Variants in UBR4 observed in about 807,000 individuals in gnomAD.
UBR4 encodes the protein E3 ubiquitin-protein ligase UBR4.
Under a neutral mutation model 575.6 loss-of-function variants are expected in UBR4, and 124 were observed. That is an observed-to-expected ratio of 0.22 (90% CI 0.19 to 0.25). The LOEUF (loss-of-function observed/expected upper bound fraction) is 0.25, where lower values mean the gene tolerates loss of function less well. Ranked by LOEUF, UBR4 falls within the 10% of genes least tolerant of loss-of-function variation. UBR4 has a pLI of 1.00. For synonymous variants in UBR4, 2,455 were observed against 2,473.7 expected (o/e 0.99, Z 0.22); for missense variants, 4,818 against 6,478.8 (o/e 0.74, Z 8.80).
In UBR4 at chr1:19,121,364, C is replaced by T. The variant is rs575737737; in HGVS notation, c.9966G>A (p.Leu3322=). 48 of 1,614,158 alleles carry T rather than the reference C, an allele frequency of 3.0e-5. 1 individual carries two copies. The South Asian group carries it at 5.2e-4, about 17-fold the overall frequency. Reference sequence around the variant, plus strand: ...TGCTGCCGCACAGAGCACAGGAGAGCAGTTGCAGCAGCACTGGGGACACGC... The same window carrying T: ...TGCTGCCGCACAGAGCACAGGAGAGTAGTTGCAGCAGCACTGGGGACACGC... ...DEGVSPVLLQ[L]LSCALCGSKV... is the part of the protein sequence containing the mutation. The change falls in exon 68 of 106, where the codon CTG becomes CTA. Residue 3322 remains leucine (L), a synonymous_variant. Transcript: ENST00000375254.
Position 19,096,597 on chromosome 1 carries a change from A to T in UBR4, c.13444T>A (p.Cys4482Ser). ...VYKMAGVMAQCGGLECMLNRL... is the reference protein window; with the variant it reads ...VYKMAGVMAQSGGLECMLNRL... ...TTAAGCATGCATTCCAGGCCCCCAC[A>T]CTGGGCCATCACACCAGCCATTTTA... The change falls in exon 92 of 106, where the codon TGT (cysteine) becomes AGT (serine). Residue 4482 changes from cysteine to serine, a missense_variant. This residue lies in a region of UBR4 where 165 missense variants were observed against 282.3 expected (regional missense o/e 0.58). Coordinates refer to ENST00000375254, the MANE Select transcript of UBR4 (RefSeq NM_020765.3). 5 of 1,613,618 alleles carry T rather than the reference A, an allele frequency of 3.1e-6. No individual in the cohort carries two copies. The highest frequency in any genetic ancestry group is 4.2e-6 in the Non-Finnish European group (5 of 1,179,898).
intron 19 of UBR4, 145 bp downstream of exon 19, chr1:19,177,316 A>T: frequency 1.1e-6 from 1 of 944,162 alleles, no homozygotes; most frequent in Non-Finnish European, 1.6e-6. Flanking sequence ...ACAAAGTCTC[A>T]GTGGTCCTCC....
At chr1:19,146,664 A>C (rs1009661422) in intron 52 of UBR4, among the ~76,000 whole-genome samples, 162 bp downstream of exon 52, 5 of 152,226 alleles carry the variant, frequency 3.3e-5, no homozygotes, top group African/African-American at 4.8e-5. Flanking sequence ...AAAATTGTAC[A>C]ATCTCAATGT....
chr1:19,106,782 C>T, intron 82 of UBR4, 55 bp downstream of exon 82: 1 of 1,602,534 alleles, frequency 6.2e-7, no homozygotes, highest in Non-Finnish European at 8.5e-7. Flanking sequence ...TGACAGAAGG[C>T]AGGGCTGTCA....
intron 77 of UBR4, 106 bp downstream of exon 77, chr1:19,113,593 A>C (rs936500916): frequency 5.9e-6 from 9 of 1,529,224 alleles, no homozygotes; most frequent in Non-Finnish European, 7.9e-6. Flanking sequence ...GGCAGGGACA[A>C]CACCAAGACC....
At position 19,100,012 on chromosome 1, in the gene UBR4, G is replaced by T; in HGVS notation, c.13222-335C>A. ...CGGTCTGCCAGAAAGTAACTGACAC[G>T]GGGACATAAACCTGCACAGGGGGTA... On this transcript the variant is annotated intron_variant, in intron 89 of 105. Coordinates refer to ENST00000375254, the MANE Select transcript of UBR4 (RefSeq NM_020765.3). This position sits in a 1 kb window ranked among gnomAD's most constrained non-coding sequence, Gnocchi z 4.2. 1 of 423,848 alleles carries T rather than the reference G, an allele frequency of 2.4e-6. No homozygotes were observed. 26.3% of individuals were successfully genotyped at this position (423,848 alleles called of 1,614,324 possible).
intron 77 of UBR4, 102 bp from the exon 78 acceptor site, chr1:19,112,969 T>G: frequency 1.7e-6 from 2 of 1,193,384 alleles, no homozygotes; most frequent in African/African-American, 1.5e-5. Flanking sequence ...TTACATGCAT[T>G]ATATAACTTA....
At chr1:19,200,524 T>C (rs1047263493) in intron 2 of UBR4, among the ~76,000 whole-genome samples, 3 of 151,448 alleles carry the variant, frequency 2.0e-5, no homozygotes, top group African/African-American at 7.3e-5. Context: ...CTGAGGCGGG[T>C]GGATCACTTC....
intron 102 of UBR4, among the ~76,000 whole-genome samples, chr1:19,083,655 C>G (rs1323797296): frequency 6.6e-6 from 1 of 152,236 alleles, no homozygotes; most frequent in Non-Finnish European, 1.5e-5. Flanking sequence ...TCACCTCAGT[C>G]TCCCGAATAG....
Position 19,129,048 on chromosome 1 carries a change from A to G in UBR4, c.8933T>C (p.Leu2978Ser). ...NRLHMVRLML[L>S]ERLLQTLPQL... ...AGGCAGGGTCTGCAGTAATCTCTCC[A>G]ACAGCATTAGACGGACCATGTGCAG... Residue 2978 changes from leucine (L) to serine (S), a missense_variant, in exon 61 of 106, where the codon TTG becomes TCG. Physicochemically the swap from Leu to Ser is moderately radical, Grantham distance 145. This residue lies in a region of UBR4 where 87 missense variants were observed against 82.8 expected (regional missense o/e 1.05). Coordinates refer to ENST00000375254, the MANE Select transcript of UBR4 (RefSeq NM_020765.3). 1.2e-6 allele frequency: 2 copies of G among 1,614,108 alleles called. No individual in the cohort carries two copies. The highest frequency in any genetic ancestry group is 1.7e-6 in the Non-Finnish European group (2 of 1,179,984).
In UBR4 at chr1:19,089,859, C is replaced by T. The variant is rs958205369; in HGVS notation, c.14212-882G>A. Among the ~76,000 whole-genome samples, 2 of 152,236 alleles carry T rather than the reference C, an allele frequency of 1.3e-5. No individual in the cohort carries two copies. The highest frequency in any genetic ancestry group is 4.8e-5 in the African/African-American group (2 of 41,458). On this transcript the variant is annotated intron_variant, in intron 97 of 105. Transcript: ENST00000375254. This position sits in a 1 kb window ranked among gnomAD's most constrained non-coding sequence, Gnocchi z 4.3. ...ATTACCTATTCCCTCATGTCTCATG[C>T]TCCTAAATGCTGAGCCCATATTTCA... is the stretch of plus-strand genomic sequence containing the variant.
At chr1:19,143,452 T>C (rs2084379162) in intron 55 of UBR4, among the ~76,000 whole-genome samples, 1 of 152,200 alleles carries the variant, frequency 6.6e-6, no homozygotes, top group African/African-American at 2.4e-5. Flanking sequence ...GTTATGCCCT[T>C]GACTGTATTG....
chr1:19,209,766 C>A (rs1016818972), intron 1 of UBR4, among the ~76,000 whole-genome samples: 1 of 152,226 alleles, frequency 6.6e-6, no homozygotes, highest in Non-Finnish European at 1.5e-5. Context: ...ACCCAAGGGG[C>A]AGCCCCGTGA....
chr1:19,183,961 A>G (rs1267977254), intron 16 of UBR4, 55 bp downstream of exon 16: 4 of 1,613,816 alleles, frequency 2.5e-6, no homozygotes, highest in Non-Finnish European at 3.4e-6. Flanking sequence ...CTCCCTGCCA[A>G]CAGCCAAACT....
chr1:19,163,161 A>T (rs112959417), intron 34 of UBR4, among the ~76,000 whole-genome samples: 2 of 152,210 alleles, frequency 1.3e-5, no homozygotes. Flanking sequence ...TTTGCTCTGC[A>T]CTCTGACATG....
chr1:19,086,861 C>G, intron 99 of UBR4, 40 bp from the exon 100 acceptor site: 3 of 1,608,498 alleles, frequency 1.9e-6, no homozygotes, highest in Non-Finnish European at 2.5e-6. Context: ...AGGAGAAACT[C>G]CAAGTCAGGC....
intron 20 of UBR4, among the ~76,000 whole-genome samples, chr1:19,175,267 C>A (rs2090110850): frequency 1.3e-5 from 2 of 148,988 alleles, no homozygotes; most frequent in Non-Finnish European, 3.0e-5. Context: ...GTTGTGACAA[C>A]CAAAAATATC....
At position 19,161,000 on chromosome 1, in the gene UBR4, C is replaced by T. The variant is rs1168765519; in HGVS notation, c.5323G>A (p.Gly1775Arg). Residue 1775 changes from glycine to arginine, a missense_variant, in exon 38 of 106, where the codon GGA becomes AGA. By Grantham distance (125) the Gly-to-Arg change is moderately radical. Around this residue, in one of 29 missense-constraint regions of UBR4, gnomAD observed 159 missense variants for 174.6 expected, o/e 0.91. Coordinates refer to ENST00000375254, the MANE Select transcript of UBR4 (RefSeq NM_020765.3). ...GGCTTCTCTTCGTCAGCAACCTTTC[C>T]ATCACTGATGGTAACCTTGGCTTTG... ...ADKAKVTISD[G>R]KVADEEKPKK... 2 of 1,614,054 alleles carry T rather than the reference C, an allele frequency of 1.2e-6. No individual in the cohort carries two copies. Among genetic ancestry groups the T allele is most frequent in the African/African-American group, 1.3e-5 (1 of 74,904 alleles).
chr1:19,122,237 C>A (rs2081261473), intron 66 of UBR4, among the ~76,000 whole-genome samples: 1 of 152,168 alleles, frequency 6.6e-6, no homozygotes, highest in African/African-American at 2.4e-5. Flanking sequence ...TCTACCCCAT[C>A]CCCACGCAAG....
Sources: gnomAD v4.1 joint callset for allele counts (sites outside exome capture counted in the v4.1 genomes callset) on GRCh38, gnomAD v4.1.1 for gene constraint, gnomAD v4.1.1 regional missense constraint, Gnocchi (gnomAD v3.1) non-coding constraint, MANE v1.5 for transcripts, NCBI Gene and HGNC (gene_info 2026-07-23, HGNC 2026-07-21) for gene names.